Variants in PRELID2 observed in about 807,000 individuals in gnomAD.
PRELID2 encodes PRELI domain-containing protein 2.
In PRELID2, 25 loss-of-function variants were observed where a neutral mutation model predicts 28.4. The ratio of observed to expected loss-of-function variants is 0.88; its 90% CI spans 0.64 to 1.23. The LOEUF is 1.23. PRELID2 is among the 50% of genes most tolerant of loss of function. The probability of loss-of-function intolerance (pLI) is 0.00; values close to 1 mark genes in which losing one functional copy is unlikely to be tolerated. For synonymous variants in PRELID2, 76 were observed against 71.6 expected (o/e 1.06, Z -0.31); for missense variants, 201 against 214.4 (o/e 0.94, Z 0.39).
chr5:145,497,967 T>C (rs1308513761), intron 1 of PRELID2, among the ~76,000 whole-genome samples: 1 of 152,216 alleles, frequency 6.6e-6, no homozygotes, highest in African/African-American at 2.4e-5. Context: ...CTCTTGTTTG[T>C]CAACACTTGC....
chr5:145,815,689 T>C (rs996083837), intron 4 of PRELID2, among the ~76,000 whole-genome samples: 12 of 152,236 alleles, frequency 7.9e-5, no homozygotes, highest in Middle Eastern at 6.3e-3. Flanking sequence ...CTGCCTTCTT[T>C]CATTTAGCAT....
the PRELID2 span, among the ~76,000 whole-genome samples, chr5:145,385,424 G>T: frequency 6.6e-6 from 1 of 152,144 alleles, no homozygotes; most frequent in Admixed American, 6.5e-5. Flanking sequence ...AATGCCTTTG[G>T]AAGTGCCGCT....
intron 1 of PRELID2, among the ~76,000 whole-genome samples, chr5:145,518,981 G>A (rs933631726): frequency 6.6e-6 from 1 of 152,010 alleles, no homozygotes; most frequent in Non-Finnish European, 1.5e-5. Context: ...TTCCATTTTT[G>A]TATCCCATAA....
chr5:145,276,003 G>A, the PRELID2 span, among the ~76,000 whole-genome samples: 11 of 152,100 alleles, frequency 7.2e-5, no homozygotes, highest in Non-Finnish European at 1.0e-4. Context: ...TAGCATTCAG[G>A]ACATGACAAG....
the PRELID2 span, among the ~76,000 whole-genome samples, chr5:145,255,479 A>G: frequency 6.6e-6 from 1 of 152,148 alleles, no homozygotes; most frequent in Non-Finnish European, 1.5e-5. Flanking sequence ...GAATACAGTG[A>G]AAAGAAATTA....
chr5:145,797,561 G>T (rs1038383108), intron 4 of PRELID2, among the ~76,000 whole-genome samples: 1 of 152,130 alleles, frequency 6.6e-6, no homozygotes, highest in Non-Finnish European at 1.5e-5. Flanking sequence ...ACACTAGAGA[G>T]CCTGCAGTAC....
chr5:145,587,489 AG>A, intron 1 of PRELID2, among the ~76,000 whole-genome samples: 1 of 152,184 alleles, frequency 6.6e-6, no homozygotes, highest in Non-Finnish European at 1.5e-5. Context: ...CCATGAAAAC[AG>A]AGTCATAAAA....
chr5:145,806,607 AAC>A (rs1753529988), intron 4 of PRELID2, among the ~76,000 whole-genome samples: 1 of 152,254 alleles, frequency 6.6e-6, no homozygotes, highest in African/African-American at 2.4e-5. Flanking sequence ...ATAAACCAGT[AAC>A]ACAGTCATTT....
At chr5:145,440,628 G>T in the PRELID2 span, among the ~76,000 whole-genome samples, 1 of 151,962 alleles carries the variant, frequency 6.6e-6, no homozygotes, top group Non-Finnish European at 1.5e-5. Flanking sequence ...CTGTTAATGG[G>T]CTTAAAACTA....
chr5:145,828,000 C>A (rs1016487714), intron 1 of PRELID2, among the ~76,000 whole-genome samples: 2 of 151,432 alleles, frequency 1.3e-5, no homozygotes, highest in African/African-American at 4.9e-5. Context: ...TGTGGGAATT[C>A]TTTGTTTCTG....
intron 3 of PRELID2, 43 bp from the exon 4 acceptor site, chr5:145,818,097 C>T (rs1018922554): frequency 5.7e-6 from 9 of 1,592,036 alleles, no homozygotes; most frequent in Non-Finnish European, 7.7e-6. Flanking sequence ...TTAGGAAGAG[C>T]AGGCAACATA....
the PRELID2 span, among the ~76,000 whole-genome samples, chr5:145,397,408 C>T: frequency 3.0e-4 from 45 of 152,250 alleles, no homozygotes; most frequent in African/African-American, 1.0e-3. Context: ...ATATTGTCCA[C>T]TGAGGGACCA....
At chr5:145,379,435 T>C in the PRELID2 span, among the ~76,000 whole-genome samples, 4 of 152,148 alleles carry the variant, frequency 2.6e-5, no homozygotes, top group African/African-American at 9.7e-5. Flanking sequence ...ATGGTTGTAC[T>C]GGAGGTGGTG....
At chr5:145,469,812 C>T (rs1225971684), downstream of PRELID2, among the ~76,000 whole-genome samples, 1 of 152,104 alleles carries the variant, frequency 6.6e-6, no homozygotes, top group Non-Finnish European at 1.5e-5. Flanking sequence ...TTAGAACTGA[C>T]AGCTTAATTC....
chr5:145,834,109 T>A (rs975249996), intron 1 of PRELID2, among the ~76,000 whole-genome samples: 2 of 152,128 alleles, frequency 1.3e-5, no homozygotes, highest in South Asian at 4.1e-4. Flanking sequence ...TGAGGAAGAG[T>A]TCATTATCTG....
intron 4 of PRELID2, among the ~76,000 whole-genome samples, chr5:145,815,265 A>G (rs1485387825): frequency 6.6e-6 from 1 of 152,216 alleles, no homozygotes; most frequent in Admixed American, 6.5e-5. Flanking sequence ...TGGATTTCCC[A>G]GCCTCCAGGT....
At chr5:145,261,231 G>A in the PRELID2 span, among the ~76,000 whole-genome samples, 79 of 152,194 alleles carry the variant, frequency 5.2e-4, no homozygotes, top group African/African-American at 1.7e-3. Flanking sequence ...CTTTCTCTTG[G>A]TAGTCAAAGA....
the PRELID2 span, among the ~76,000 whole-genome samples, chr5:145,270,844 G>T: frequency 3.9e-5 from 6 of 152,138 alleles, no homozygotes; most frequent in South Asian, 1.0e-3. Context: ...GAATTGCCCT[G>T]TATTAGTTCA....
the PRELID2 span, among the ~76,000 whole-genome samples, chr5:145,356,685 G>A: frequency 3.9e-5 from 6 of 152,280 alleles, no homozygotes; most frequent in East Asian, 9.6e-4. Flanking sequence ...TGCATACGCT[G>A]TAGACAGCAT....
Sources: gnomAD v4.1 joint callset for allele counts (sites outside exome capture counted in the v4.1 genomes callset) on GRCh38, gnomAD v4.1.1 for gene constraint, MANE v1.5 for transcripts, NCBI Gene and HGNC (gene_info 2026-07-23, HGNC 2026-07-21) for gene names.